PDE11A: variants seen among roughly 807,000 people sequenced by gnomAD.
PDE11A encodes phosphodiesterase 11A.
A neutral mutation model predicts 100.5 loss-of-function variants in PDE11A; 100 were observed. The ratio of observed to expected loss-of-function variants is 1.00; its 90% CI spans 0.85 to 1.18. The LOEUF is 1.18. Among genes scored for constraint, PDE11A ranks in the 50% most tolerant of loss-of-function variants. The pLI is 0.00. For missense variants in PDE11A, 1,141 were observed against 1,152.6 expected (o/e 0.99, Z 0.15); for synonymous variants, 381 against 420.8 (o/e 0.91, Z 1.16).
At chr2:177,777,995 CA>C (rs2082401528) in intron 9 of PDE11A, among the ~76,000 whole-genome samples, 1 of 152,192 alleles carries the variant, frequency 6.6e-6, no homozygotes, top group South Asian at 2.1e-4. Context: ...TCACTATTTG[CA>C]AAACCATACC....
chr2:177,870,794 T>C (rs2084117612), intron 5 of PDE11A, among the ~76,000 whole-genome samples: 1 of 152,232 alleles, frequency 6.6e-6, no homozygotes, highest in African/African-American at 2.4e-5. Context: ...ACTTAGCACA[T>C]AGTAAAACTC....
chr2:177,853,963 T>TAC (rs150868134), intron 5 of PDE11A, among the ~76,000 whole-genome samples: 87 of 146,838 alleles, frequency 5.9e-4, no homozygotes, highest in East Asian at 1.4e-3. Context: ...TATATGTGTA[T>TAC]ACACACACAC....
rs1163642828 is a variant in PDE11A, at chr2:177,850,313, G to A, written c.1368-9930C>T. On this transcript the variant is annotated intron_variant, in intron 5 of 19. Coordinates refer to ENST00000286063, the MANE Select transcript of PDE11A (RefSeq NM_016953.4). ...GATTCCCTATTTAATAAATGGTGCT[G>A]GGAAAACTGGCTAGACATATGTAGA... Among the ~76,000 whole-genome samples, 3 of 152,260 alleles carry A rather than the reference G, an allele frequency of 2.0e-5. No homozygotes were observed. The East Asian group carries it at 5.8e-4, about 29-fold the overall frequency.
chr2:177,724,593 AG>A (rs1198901141), intron 12 of PDE11A, among the ~76,000 whole-genome samples: 1 of 152,142 alleles, frequency 6.6e-6, no homozygotes, highest in Non-Finnish European at 1.5e-5. Flanking sequence ...CACAGATTTA[AG>A]GTCACACGGA....
chr2:177,916,091 G>A (rs2084949527), intron 2 of PDE11A, among the ~76,000 whole-genome samples: 1 of 152,098 alleles, frequency 6.6e-6, no homozygotes, highest in East Asian at 1.9e-4. Flanking sequence ...TGGCTTCCAT[G>A]GACTATACAC....
intron 10 of PDE11A, among the ~76,000 whole-genome samples, chr2:177,744,634 G>C (rs1047109640): frequency 2.0e-5 from 3 of 152,098 alleles, no homozygotes; most frequent in Non-Finnish European, 4.4e-5. Flanking sequence ...GTGATGAATG[G>C]TATTATTTCC....
At chr2:177,777,230 T>A (rs944061654) in intron 9 of PDE11A, among the ~76,000 whole-genome samples, 1 of 147,490 alleles carries the variant, frequency 6.8e-6, no homozygotes, top group Non-Finnish European at 1.5e-5. Context: ...AATAAATATT[T>A]GTTGTTTAAG....
intron 7 of PDE11A, among the ~76,000 whole-genome samples, chr2:177,819,387 T>G (rs1171245180): frequency 6.6e-6 from 1 of 152,102 alleles, no homozygotes; most frequent in South Asian, 2.1e-4. Context: ...GATGCATTAG[T>G]TACCAAATGA....
At chr2:177,955,085 G>A (rs2085545990) in intron 2 of PDE11A, among the ~76,000 whole-genome samples, 1 of 152,060 alleles carries the variant, frequency 6.6e-6, no homozygotes, top group Non-Finnish European at 1.5e-5. Flanking sequence ...CAATTCTCTA[G>A]TCAATTTGAT....
chr2:177,917,614 T>A (rs536452577), intron 2 of PDE11A, among the ~76,000 whole-genome samples: 96 of 152,346 alleles, frequency 6.3e-4, no homozygotes, highest in African/African-American at 2.2e-3. Context: ...ACAGTATTTT[T>A]AAAAATCTCA....
intron 3 of PDE11A, among the ~76,000 whole-genome samples, chr2:177,904,253 G>C (rs942040498): frequency 3.9e-5 from 6 of 152,084 alleles, no homozygotes; most frequent in Non-Finnish European, 8.8e-5. Context: ...GCTCCTGAAG[G>C]TATAAAAGAG....
At chr2:178,004,585 C>T (rs2086182655) in intron 2 of PDE11A, among the ~76,000 whole-genome samples, 1 of 152,186 alleles carries the variant, frequency 6.6e-6, no homozygotes, top group South Asian at 2.1e-4. Context: ...TTCTAATCTA[C>T]AGTTGCAAAT....
chr2:177,788,011 T>C (rs2082566077), intron 9 of PDE11A, among the ~76,000 whole-genome samples: 1 of 151,874 alleles, frequency 6.6e-6, no homozygotes, highest in Admixed American at 6.6e-5. Context: ...TACCCAGGAA[T>C]TGAACTCAGC....
At chr2:177,675,610 A>C in intron 16 of PDE11A, 92 bp from the exon 17 acceptor site, 1 of 959,854 alleles carries the variant, frequency 1.0e-6, no homozygotes, top group Non-Finnish European at 1.7e-6. Flanking sequence ...ATAAAATAAA[A>C]TGGAAACGAG....
At chr2:178,083,884 G>T (rs1042616625) in intron 2 of PDE11A, among the ~76,000 whole-genome samples, 2 of 152,054 alleles carry the variant, frequency 1.3e-5, no homozygotes, top group Non-Finnish European at 2.9e-5. Context: ...GATAATATAT[G>T]CTTGTAAAAA....
chr2:178,049,501 G>A (rs1221651579), intron 1 of PDE11A, among the ~76,000 whole-genome samples: 2 of 152,108 alleles, frequency 1.3e-5, no homozygotes, highest in African/African-American at 2.4e-5. Flanking sequence ...CTGACAGTGG[G>A]TGCAGGACAG....
intron 2 of PDE11A, among the ~76,000 whole-genome samples, chr2:178,083,906 G>A (rs2087317141): frequency 6.6e-6 from 1 of 152,082 alleles, no homozygotes; most frequent in Non-Finnish European, 1.5e-5. Context: ...TTAAACGTAA[G>A]ATTATATAAA....
intron 9 of PDE11A, 30 bp from the exon 10 acceptor site, chr2:177,769,403 A>G: frequency 7.9e-7 from 1 of 1,265,800 alleles, no homozygotes; most frequent in Non-Finnish European, 1.2e-6. Flanking sequence ...AATAATTTTA[A>G]TAACTAGACA....
intron 9 of PDE11A, among the ~76,000 whole-genome samples, chr2:177,800,801 AAT>A (rs2082782223): frequency 6.6e-6 from 1 of 152,178 alleles, no homozygotes; most frequent in African/African-American, 2.4e-5. Context: ...AGATGCTGAG[AAT>A]CAGCCTAGTA....
Sources: gnomAD v4.1 joint callset for allele counts (sites outside exome capture counted in the v4.1 genomes callset) on GRCh38, gnomAD v4.1.1 for gene constraint, MANE v1.5 for transcripts, NCBI Gene and HGNC (gene_info 2026-07-23, HGNC 2026-07-21) for gene names.